Variants in HMGCLL1 observed in about 807,000 individuals in gnomAD.
HMGCLL1 encodes 3-hydroxy-3-methylglutaryl-CoA lyase like 1, also known as 3-hydroxymethyl-3-methylglutaryl-CoA lyase, cytoplasmic.
HMGCLL1 carries 36 observed loss-of-function variants against 39.1 expected under a neutral mutation model. That is an observed-to-expected ratio of 0.92 (90% confidence interval 0.71 to 1.22). The LOEUF (loss-of-function observed/expected upper bound fraction) is 1.22, where lower values mean the gene tolerates loss of function less well. Among genes scored for constraint, HMGCLL1 ranks in the 50% most tolerant of loss-of-function variants. The probability of loss-of-function intolerance (pLI) is 0.00; values close to 1 mark genes in which losing one functional copy is unlikely to be tolerated. For synonymous variants in HMGCLL1, 149 were observed against 144.0 expected, an observed-to-expected ratio of 1.03 and a Z score of -0.25; for missense variants, 451 against 416.5, an observed-to-expected ratio of 1.08 and a Z score of -0.72.
intron 7 of HMGCLL1, among the ~76,000 whole-genome samples, chr6:55,446,787 A>G (rs1763861792): frequency 6.6e-6 from 1 of 151,952 alleles, no homozygotes; most frequent in Non-Finnish European, 1.5e-5. Flanking sequence ...AAAATTTCTA[A>G]TCTATATATT....
At chr6:55,652,110 C>G in the HMGCLL1 span, among the ~76,000 whole-genome samples, 1 of 152,064 alleles carries the variant, frequency 6.6e-6, no homozygotes, top group African/African-American at 2.4e-5. Flanking sequence ...AGACAGTTGT[C>G]AAAATTTGGA....
chr6:55,676,277 A>G, the HMGCLL1 span, among the ~76,000 whole-genome samples: 10 of 152,158 alleles, frequency 6.6e-5, 1 homozygote, highest in Non-Finnish European at 1.5e-5. Flanking sequence ...AAGGGGCTGT[A>G]TGTCTCAGCT....
chr6:55,486,287 C>T (rs1331718061), intron 7 of HMGCLL1, among the ~76,000 whole-genome samples: 1 of 151,680 alleles, frequency 6.6e-6, no homozygotes, highest in Non-Finnish European at 1.5e-5. Context: ...CAATAAACTC[C>T]ACTACAACTG....
At chr6:55,484,221 A>G (rs1765889483) in intron 7 of HMGCLL1, among the ~76,000 whole-genome samples, 1 of 152,132 alleles carries the variant, frequency 6.6e-6, no homozygotes, top group South Asian at 2.1e-4. Context: ...CGTGACCCAT[A>G]TATAGCATTT....
chr6:55,668,451 T>C, the HMGCLL1 span, among the ~76,000 whole-genome samples: 1 of 151,906 alleles, frequency 6.6e-6, no homozygotes, highest in African/African-American at 2.4e-5. Flanking sequence ...GCTCTGGTTC[T>C]GGGTAAAATA....
the HMGCLL1 span, among the ~76,000 whole-genome samples, chr6:55,620,725 G>T: frequency 6.6e-6 from 1 of 151,844 alleles, no homozygotes; most frequent in Non-Finnish European, 1.5e-5. Flanking sequence ...TCTTTTAGTA[G>T]TTTTATGATT....
chr6:55,526,727 C>A (rs7761740), intron 3 of HMGCLL1, among the ~76,000 whole-genome samples: 103,285 of 151,822 alleles, frequency 0.68, 35,174 homozygotes, highest in Admixed American at 0.72. Context: ...GTATTTAATT[C>A]TTTATGTGGT....
the HMGCLL1 span, among the ~76,000 whole-genome samples, chr6:55,656,549 A>T: frequency 6.6e-6 from 1 of 151,990 alleles, no homozygotes; most frequent in South Asian, 2.1e-4. Flanking sequence ...CTTTTCATCC[A>T]TCTGCCAGCC....
At chr6:55,535,900 G>A (rs138757227) in intron 3 of HMGCLL1, among the ~76,000 whole-genome samples, 2,001 of 152,126 alleles carry the variant, frequency 0.013, 32 homozygotes, top group Non-Finnish European at 0.023. Flanking sequence ...CATACACCTC[G>A]TCAAAATCAC....
chr6:55,677,448 G>A, the HMGCLL1 span, among the ~76,000 whole-genome samples: 2 of 152,084 alleles, frequency 1.3e-5, no homozygotes, highest in South Asian at 2.1e-4. Context: ...AAATTGTGAG[G>A]AGAAATTTAC....
intron 3 of HMGCLL1, among the ~76,000 whole-genome samples, chr6:55,533,016 T>C (rs921985833): frequency 1.3e-5 from 2 of 151,370 alleles, no homozygotes; most frequent in Admixed American, 6.6e-5. Flanking sequence ...AGCTTTAAAG[T>C]ATTGCATTTC....
chr6:55,575,586 A>C (rs1481985409), intron 1 of HMGCLL1, among the ~76,000 whole-genome samples: 1 of 152,124 alleles, frequency 6.6e-6, no homozygotes, highest in Non-Finnish European at 1.5e-5. Context: ...AGAATTTTCT[A>C]TCTGTTCTAA....
At chr6:55,476,920 C>T (rs945211098) in intron 7 of HMGCLL1, among the ~76,000 whole-genome samples, 7 of 145,868 alleles carry the variant, frequency 4.8e-5, no homozygotes, top group Non-Finnish European at 7.4e-5. Context: ...TAACATCACA[C>T]GGGGCCTCTA....
chr6:55,596,958 T>C, the HMGCLL1 span, among the ~76,000 whole-genome samples: 1 of 152,118 alleles, frequency 6.6e-6, no homozygotes. Flanking sequence ...TAAAAAAGTT[T>C]AAATACTACC....
chr6:55,495,525 T>G lies in HMGCLL1; in HGVS notation c.689A>C (p.Lys230Thr). The change falls in exon 7 of 9, where the codon AAA becomes ACA. Residue 230 changes from lysine to threonine, a missense_variant. Transcript: ENST00000274901. ...TIGVGTPGSM[K>T]RMLESVMKEI... The stretch of plus-strand genomic sequence containing the variant: ...TTTCATCACACTTTCCAACATTCTT[T>G]TCATACTTCCTGGAGTTCCCACTCC... The G allele has an allele frequency of 6.2e-7, 1 of 1,613,922 alleles. No homozygotes were observed. The highest frequency in any genetic ancestry group is 8.5e-7 in the Non-Finnish European group (1 of 1,179,848).
intron 5 of HMGCLL1, among the ~76,000 whole-genome samples, chr6:55,504,757 T>C (rs528855166): frequency 1.3e-5 from 2 of 151,808 alleles, no homozygotes; most frequent in South Asian, 2.1e-4. Context: ...CTGTATTCAA[T>C]TGCTATTTCT....
intron 3 of HMGCLL1, among the ~76,000 whole-genome samples, chr6:55,521,903 C>A (rs1243200106): frequency 6.6e-6 from 1 of 152,004 alleles, no homozygotes; most frequent in African/African-American, 2.4e-5. Context: ...ATAAACCAGG[C>A]CTCTTATGCC....
At chr6:55,575,810 A>C (rs2127479111) in intron 1 of HMGCLL1, among the ~76,000 whole-genome samples, 1 of 152,302 alleles carries the variant, frequency 6.6e-6, no homozygotes, top group South Asian at 2.1e-4. Flanking sequence ...TGCTAAGATC[A>C]AACTCTATAC....
the HMGCLL1 span, among the ~76,000 whole-genome samples, chr6:55,628,223 A>G: frequency 9.4e-6 from 1 of 106,814 alleles, no homozygotes; most frequent in Non-Finnish European, 1.8e-5. Context: ...TTCTGTCCCT[A>G]TAAGAGAACC....
Sources: gnomAD v4.1 joint callset for allele counts (sites outside exome capture counted in the v4.1 genomes callset) on GRCh38, gnomAD v4.1.1 for gene constraint, MANE v1.5 for transcripts, NCBI Gene and HGNC (gene_info 2026-07-23, HGNC 2026-07-21) for gene names.